TTC28: variants seen among roughly 807,000 people sequenced by gnomAD.
TTC28 encodes the protein tetratricopeptide repeat protein 28.
In TTC28, 61 loss-of-function variants were observed where a neutral mutation model predicts 198.0. That is an observed-to-expected ratio of 0.31 (90% confidence interval 0.25 to 0.38). The LOEUF is 0.38. TTC28 is among the 10% of genes least tolerant of loss of function. TTC28 has a pLI of 1.00. For synonymous variants in TTC28, 1,171 were observed against 1,297.8 expected (o/e 0.90, Z 2.10); for missense variants, 2,678 against 3,164.0 (o/e 0.85, Z 3.69).
intron 2 of TTC28, among the ~76,000 whole-genome samples, chr22:28,532,732 G>T (rs571473460): frequency 2.0e-5 from 3 of 152,264 alleles, no homozygotes; most frequent in Non-Finnish European, 4.4e-5. Context: ...CTTCATCCCT[G>T]GGATGCAAGG....
chr22:28,265,670 A>G (rs1310548514), intron 5 of TTC28, among the ~76,000 whole-genome samples: 1 of 152,152 alleles, frequency 6.6e-6, no homozygotes, highest in Non-Finnish European at 1.5e-5. Context: ...ATACGCTTAA[A>G]ATTCTTGGGA....
At chr22:28,262,816 T>C (rs545912882) in intron 5 of TTC28, among the ~76,000 whole-genome samples, 8 of 152,012 alleles carry the variant, frequency 5.3e-5, no homozygotes, top group Admixed American at 6.6e-5. Context: ...GCTTTCCTTA[T>C]GGGGAGAGGA....
chr22:28,019,575 G>A (rs1007494701), intron 13 of TTC28, among the ~76,000 whole-genome samples: 2 of 152,352 alleles, frequency 1.3e-5, no homozygotes, highest in East Asian at 1.9e-4. Flanking sequence ...GCTAACAGGT[G>A]TGCACTGGAG....
At chr22:28,632,307 G>A (rs2146211896) in intron 1 of TTC28, among the ~76,000 whole-genome samples, 1 of 69,838 alleles carries the variant, frequency 1.4e-5, no homozygotes, top group Non-Finnish European at 2.5e-5. Context: ...CACTCTTGTT[G>A]CCCAGGCTGG....
chr22:28,113,485 G>C (rs546415785), intron 6 of TTC28, among the ~76,000 whole-genome samples: 1 of 152,320 alleles, frequency 6.6e-6, no homozygotes, highest in South Asian at 2.1e-4. Context: ...TCTCCAGTGA[G>C]AGGAAGTGAG....
chr22:28,209,272 T>C (rs1784965758), intron 5 of TTC28, among the ~76,000 whole-genome samples: 1 of 152,066 alleles, frequency 6.6e-6, no homozygotes, highest in Non-Finnish European at 1.5e-5. Context: ...CCAACTGAGG[T>C]TGTTGGACTG....
At chr22:28,646,948 T>C (rs1262193958) in intron 1 of TTC28, among the ~76,000 whole-genome samples, 1 of 152,060 alleles carries the variant, frequency 6.6e-6, no homozygotes, top group Non-Finnish European at 1.5e-5. Context: ...AAAAATGACT[T>C]ATCTGGAGGC....
chr22:28,387,181 T>G (rs1038525689), intron 2 of TTC28, among the ~76,000 whole-genome samples: 1 of 152,218 alleles, frequency 6.6e-6, no homozygotes, highest in Non-Finnish European at 1.5e-5. Context: ...ACTCATCATT[T>G]TTTATGGCTG....
At chr22:28,043,737 G>A (rs1172196185) in intron 12 of TTC28, among the ~76,000 whole-genome samples, 3 of 152,170 alleles carry the variant, frequency 2.0e-5, no homozygotes, top group African/African-American at 7.2e-5. Context: ...GATTGCTGTT[G>A]GGGGAGAGGA....
At position 27,999,095 on chromosome 22, in the gene TTC28, G is replaced by A. The variant is rs1193120592; in HGVS notation, c.4564C>T (p.Pro1522Ser). ...TTGGTGGCCACACTGCCCACTAGGG[G>A]CTGGCAGCCCAGCAGCTCGGACACC... ...YMVSELLGCQ[P>S]LVGSVATKER... is the part of the protein sequence containing the mutation. Residue 1522 changes from proline to serine, a missense_variant, in exon 16 of 23, where the codon CCC becomes TCC. Around this residue, in one of 8 missense-constraint regions of TTC28, gnomAD observed 727 missense variants for 861.9 expected, o/e 0.84. Coordinates refer to ENST00000397906, the MANE Select transcript of TTC28 (RefSeq NM_001145418.2). The A allele has an allele frequency of 2.6e-6, 4 of 1,550,596 alleles. No individual in the cohort carries two copies. Among genetic ancestry groups the A allele is most frequent in the African/African-American group, 2.7e-5 (2 of 73,182 alleles).
rs764299221 is a variant in TTC28 at position 28,014,471 on chromosome 22, C to T, written c.4074-79G>A. The T allele has an allele frequency of 2.1e-6, 3 of 1,440,922 alleles. No individual in the cohort carries two copies. The African/African-American group carries it at 4.3e-5, about 21-fold the overall frequency. 89.3% of individuals were successfully genotyped at this position (1,440,922 alleles called of 1,614,324 possible). On this transcript the variant is annotated intron_variant, in intron 13 of 22. Coordinates refer to ENST00000397906, the MANE Select transcript of TTC28 (RefSeq NM_001145418.2). Reference sequence around the variant, plus strand: ...TCACCCTGGCCCTCCAAGCCATGCCCCTGTATGGAAGGCAGGCTGAGGCTT... The same window carrying T: ...TCACCCTGGCCCTCCAAGCCATGCCTCTGTATGGAAGGCAGGCTGAGGCTT...
chr22:28,518,455 A>C (rs980512054), intron 2 of TTC28, among the ~76,000 whole-genome samples: 1 of 152,138 alleles, frequency 6.6e-6, no homozygotes, highest in Non-Finnish European at 1.5e-5. Context: ...ATCTCTATGA[A>C]AAATACAAAA....
intron 2 of TTC28, among the ~76,000 whole-genome samples, chr22:28,618,759 G>GA (rs1379195665): frequency 1.3e-5 from 2 of 148,878 alleles, no homozygotes; most frequent in South Asian, 2.1e-4. Context: ...AAATTAACAA[G>GA]AAAAAAAATC....
At chr22:28,196,628 G>T (rs1324444953) in intron 5 of TTC28, among the ~76,000 whole-genome samples, 1 of 152,082 alleles carries the variant, frequency 6.6e-6, no homozygotes, top group Non-Finnish European at 1.5e-5. Flanking sequence ...AGTGAGTGAA[G>T]GATATAAACA....
chr22:28,010,794 C>T (rs937417237), intron 14 of TTC28, among the ~76,000 whole-genome samples: 2 of 152,186 alleles, frequency 1.3e-5, no homozygotes, highest in African/African-American at 4.8e-5. Flanking sequence ...AACCCAAGAG[C>T]GGCCATGAAA....
intron 12 of TTC28, among the ~76,000 whole-genome samples, chr22:28,032,267 AG>A (rs1939161529): frequency 1.3e-3 from 100 of 78,614 alleles, no homozygotes; most frequent in African/African-American, 3.6e-3. Flanking sequence ...ATATATATAT[AG>A]TGTGTGTGTG....
At chr22:28,109,489 C>T (rs1942422926) in intron 6 of TTC28, among the ~76,000 whole-genome samples, 1 of 152,208 alleles carries the variant, frequency 6.6e-6, no homozygotes, top group African/African-American at 2.4e-5. Context: ...GTTCTAAAAT[C>T]TCTTGTAATT....
At chr22:28,543,478 G>A (rs565228588) in intron 2 of TTC28, among the ~76,000 whole-genome samples, 127 of 151,162 alleles carry the variant, frequency 8.4e-4, no homozygotes, top group African/African-American at 2.9e-3. Context: ...CAACAGGAGG[G>A]GGGAGGAGAG....
At chr22:28,618,953 A>G (rs974414646) in intron 2 of TTC28, among the ~76,000 whole-genome samples, 1 of 152,120 alleles carries the variant, frequency 6.6e-6, no homozygotes, top group Admixed American at 6.5e-5. Flanking sequence ...TATATATTCT[A>G]TATATGTGGT....
Sources: gnomAD v4.1 joint callset for allele counts (sites outside exome capture counted in the v4.1 genomes callset) on GRCh38, gnomAD v4.1.1 for gene constraint, gnomAD v4.1.1 regional missense constraint, MANE v1.5 for transcripts, NCBI Gene and HGNC (gene_info 2026-07-23, HGNC 2026-07-21) for gene names.